The following USP48 variants were observed in gnomAD, a reference collection of about 807,000 sequenced individuals.
USP48 encodes the protein ubiquitin carboxyl-terminal hydrolase 48.
Under a neutral mutation model 150.7 loss-of-function variants are expected in USP48, and 43 were observed. The ratio of observed to expected loss-of-function variants is 0.29; its 90% confidence interval spans 0.22 to 0.37. The LOEUF is 0.37. Ranked by LOEUF, USP48 falls within the 10% of genes least tolerant of loss-of-function variation. The pLI, the probability that USP48 is intolerant of heterozygous loss-of-function variation, is 1.00. For synonymous variants in USP48, 396 were observed against 425.9 expected (o/e 0.93, Z 0.86); for missense variants, 813 against 1,249.6 (o/e 0.65, Z 5.27).
chr1:21,700,132 C>T (rs1046278494), intron 22 of USP48, among the ~76,000 whole-genome samples: 1 of 151,630 alleles, frequency 6.6e-6, no homozygotes, highest in African/African-American at 2.4e-5. Context: ...TTAATAAGGG[C>T]ATCACTTACT....
chr1:21,745,998 T>C (rs1185007758), intron 8 of USP48, among the ~76,000 whole-genome samples: 2 of 152,344 alleles, frequency 1.3e-5, no homozygotes, highest in Non-Finnish European at 2.9e-5. Flanking sequence ...AAGAGTATCA[T>C]ACATTTGAAA....
At chr1:21,743,704 C>G (rs1487789072) in intron 8 of USP48, among the ~76,000 whole-genome samples, 1 of 152,060 alleles carries the variant, frequency 6.6e-6, no homozygotes, top group Admixed American at 6.6e-5. Context: ...GGGAGGGGCA[C>G]AAAAGGAGGC....
intron 3 of USP48, among the ~76,000 whole-genome samples, chr1:21,756,249 G>A (rs923814989): frequency 2.6e-5 from 4 of 151,898 alleles, no homozygotes; most frequent in Non-Finnish European, 5.9e-5. Flanking sequence ...GGAAGGCCGA[G>A]GCAGCCACAT....
chr1:21,729,385 C>T (rs1169186028), intron 10 of USP48, among the ~76,000 whole-genome samples: 1 of 151,926 alleles, frequency 6.6e-6, no homozygotes, highest in African/African-American at 2.4e-5. Context: ...AACAACTCTA[C>T]CTTTTATATT....
intron 25 of USP48, among the ~76,000 whole-genome samples, chr1:21,684,578 T>C (rs2097575704): frequency 6.6e-6 from 1 of 152,262 alleles, no homozygotes; most frequent in African/African-American, 2.4e-5. Flanking sequence ...ATTTTTGGTT[T>C]TGTTCCCTGT....
intron 21 of USP48, among the ~76,000 whole-genome samples, chr1:21,702,405 T>C (rs2097659759): frequency 6.6e-6 from 1 of 151,948 alleles, no homozygotes; most frequent in Non-Finnish European, 1.5e-5. Context: ...CCTAATATAA[T>C]AAAAATGCTT....
intron 14 of USP48, among the ~76,000 whole-genome samples, chr1:21,719,657 CAGG>C (rs2097714430): frequency 6.6e-6 from 1 of 152,108 alleles, no homozygotes; most frequent in South Asian, 2.1e-4. Context: ...TTTGGGAGGT[CAGG>C]AGTTCAAGAC....
At chr1:21,734,919 G>T (rs2097765392) in intron 9 of USP48, among the ~76,000 whole-genome samples, 1 of 152,272 alleles carries the variant, frequency 6.6e-6, no homozygotes, top group East Asian at 1.9e-4. Context: ...CTGAGGTGAT[G>T]AAAGTACATA....
At chr1:21,749,146 A>C (rs2097802647) in intron 6 of USP48, among the ~76,000 whole-genome samples, 1 of 152,192 alleles carries the variant, frequency 6.6e-6, no homozygotes, top group South Asian at 2.1e-4. Flanking sequence ...CCGAAGACTC[A>C]AACTCCTGAG....
chr1:21,737,571 C>T (rs75115475), intron 8 of USP48, among the ~76,000 whole-genome samples: 4,998 of 152,164 alleles, frequency 0.033, 293 homozygotes, highest in African/African-American at 0.11. Context: ...TGTAAAGATC[C>T]TCAACTTAAA....
chr1:21,717,463 CA>C (rs887189875), intron 14 of USP48, among the ~76,000 whole-genome samples: 20 of 150,788 alleles, frequency 1.3e-4, no homozygotes, highest in African/African-American at 4.9e-4. Flanking sequence ...ACCAACCAAA[CA>C]AACAAAAAAA....
chr1:21,761,181 C>T (rs1489761011), intron 1 of USP48, among the ~76,000 whole-genome samples: 4 of 151,824 alleles, frequency 2.6e-5, no homozygotes, highest in Non-Finnish European at 5.9e-5. Flanking sequence ...GGGGTAAACA[C>T]ACCCGTTTGT....
chr1:21,758,868 C>A (rs899848918), intron 1 of USP48, among the ~76,000 whole-genome samples: 7 of 152,074 alleles, frequency 4.6e-5, no homozygotes, highest in Admixed American at 2.0e-4. Flanking sequence ...CACGCATGCA[C>A]ACAAACAAAA....
At position 21,721,750 on chromosome 1, in the gene USP48, T is replaced by C; in HGVS notation, c.1663A>G (p.Lys555Glu). ...CGACAACGTTCTACTACACATTCCTTACACAGGGCTTTCACTACAGGCAAG... is the reference window on the plus strand; with the variant it reads ...CGACAACGTTCTACTACACATTCCTCACACAGGGCTTTCACTACAGGCAAG... The part of the protein sequence containing the change: ...GPRLTVKALC[K>E]ECVVERCRIL... The change falls in exon 13 of 27, where the codon AAG becomes GAG. Residue 555 changes from lysine to glutamate, a missense_variant. Transcript: ENST00000308271. 6.3e-7 allele frequency: 1 copy of C among 1,592,826 alleles called. No homozygotes were observed. The highest frequency in any genetic ancestry group is 8.6e-7 in the Non-Finnish European group (1 of 1,167,726).
intron 23 of USP48, 86 bp from the exon 24 acceptor site, chr1:21,690,185 TA>T (rs11422483): frequency 0.069 from 72,344 of 1,040,992 alleles, 327 homozygotes; most frequent in South Asian, 0.1. Context: ...CATGGATTCT[TA>T]AAAAAAAAAA....
intron 15 of USP48, among the ~76,000 whole-genome samples, chr1:21,710,801 A>T (rs866851602): frequency 1.1e-4 from 8 of 70,862 alleles, no homozygotes; most frequent in African/African-American, 2.7e-4. Context: ...ATAAAGAATT[A>T]AAAAAAAAAA....
In USP48 at chr1:21,709,525, C is replaced by G. The variant is rs181036038; in HGVS notation, c.1964-2657G>C. Among the ~76,000 whole-genome samples, 388 of 151,716 alleles carry G rather than the reference C, an allele frequency of 2.6e-3. 2 individuals carry two copies. Among genetic ancestry groups the G allele is most frequent in the Non-Finnish European group, 4.0e-3 (270 of 67,942 alleles). On this transcript the variant is annotated intron_variant, in intron 15 of 26. Transcript: ENST00000308271. ...AAAAGATTAAGGTAGATTTCCATGA[C>G]CTGATTTGGAAAGAACTCCACGGCA...
chr1:21,720,360 A>C (rs1438790357), intron 14 of USP48, among the ~76,000 whole-genome samples: 1 of 152,176 alleles, frequency 6.6e-6, no homozygotes, highest in East Asian at 1.9e-4. Flanking sequence ...ATAGGTTATA[A>C]AGGAAAATTT....
rs978961329 is a variant in USP48, at chr1:21,721,885, A to C, written c.1649-121T>G. 8.2e-6 allele frequency: 5 copies of C among 607,992 alleles called. No individual in the cohort carries two copies. The Admixed American group carries it at 1.8e-4, about 22-fold the overall frequency. 37.7% of individuals were successfully genotyped at this position (607,992 alleles called of 1,614,324 possible). A position where few individuals can be genotyped will look rare whatever the true frequency, so the allele number is the denominator to read the frequency against. ...TAAACCAAAGTCACAAATGTTGGCA[A>C]TATGGCAAATTGGTATATACCCTAA... On this transcript the variant is annotated intron_variant, in intron 12 of 26. Transcript: ENST00000308271.
Sources: allele counts gnomAD v4.1 joint callset (sites outside exome capture counted in the v4.1 genomes callset), GRCh38; gene constraint gnomAD v4.1.1; transcripts MANE v1.5; gene names NCBI Gene and HGNC (gene_info 2026-07-23, HGNC 2026-07-21).